TXNDC9: variants seen among roughly 807,000 people sequenced by gnomAD.
TXNDC9 encodes the protein thioredoxin domain containing 9.
A neutral mutation model predicts 23.0 loss-of-function variants in TXNDC9; 7 were observed. The observed-to-expected ratio is 0.30, with a 90% CI of 0.17 to 0.57. The LOEUF is 0.57. Ranked by LOEUF, TXNDC9 falls within the 20% of genes least tolerant of loss-of-function variation. TXNDC9 has a pLI of 0.90. For synonymous variants in TXNDC9, 72 were observed against 90.6 expected, an observed-to-expected ratio of 0.79 and a Z score of 1.17; for missense variants, 198 against 252.6, an observed-to-expected ratio of 0.78 and a Z score of 1.47.
chr2:99,314,722 G>A (rs1046913007), downstream of TXNDC9, among the ~76,000 whole-genome samples: 5 of 150,776 alleles, frequency 3.3e-5, no homozygotes, highest in Middle Eastern at 3.4e-3. Context: ...GTAGAGACGG[G>A]GTTTCACCAT....
the TXNDC9 span, among the ~76,000 whole-genome samples, chr2:99,308,219 A>G: frequency 2.0e-5 from 3 of 152,206 alleles, no homozygotes; most frequent in Non-Finnish European, 4.4e-5. Flanking sequence ...CTTCCAGCTC[A>G]CAGTGTCTCT....
intron 1 of TXNDC9, 93 bp from the exon 2 acceptor site, chr2:99,333,335 T>A (rs1050343681): frequency 9.8e-7 from 1 of 1,017,550 alleles, no homozygotes; most frequent in Non-Finnish European, 1.4e-6. Flanking sequence ...AAGTGTATAA[T>A]GTGTACTCTA....
At position 99,327,767 on chromosome 2, in the gene TXNDC9, A is replaced by G. The variant is rs1025613704; in HGVS notation, c.190-114T>C. 4.4e-6 allele frequency: 3 copies of G among 682,052 alleles called. No individual in the cohort carries two copies. The African/African-American group carries it at 5.7e-5, about 13-fold the overall frequency. 42.3% of individuals were successfully genotyped at this position (682,052 alleles called of 1,614,324 possible). ...TTTGTAATGAAGTCAATTAAAAAAA[A>G]AAGTTTTTTTTTTGTTTGTTTTTGT... On this transcript the variant is annotated intron_variant, in intron 2 of 4. Coordinates refer to ENST00000264255, the MANE Select transcript of TXNDC9 (RefSeq NM_005783.4).
chr2:99,322,078 G>C lies in TXNDC9; in HGVS notation c.440C>G (p.Ala147Gly). The change falls in exon 4 of 5, where the codon GCA becomes GGA. Residue 147 changes from alanine to glycine, a missense_variant. Coordinates refer to ENST00000264255, the MANE Select transcript of TXNDC9 (RefSeq NM_005783.4). ...TTGTGTTTTCCCATCTTTTAGCAGTGCTAGTGTGGGAATGACTTTGATATG... is the reference window on the plus strand; with the variant it reads ...TTGTGTTTTCCCATCTTTTAGCAGTCCTAGTGTGGGAATGACTTTGATATG... ...RLHIKVIPTL[A>G]LLKDGKTQDY... The C allele has an allele frequency of 6.2e-7, 1 of 1,614,150 alleles. No individual in the cohort carries two copies. Among genetic ancestry groups the C allele is most frequent in the Non-Finnish European group, 8.5e-7 (1 of 1,180,012 alleles).
the TXNDC9 span, among the ~76,000 whole-genome samples, chr2:99,313,860 A>C: frequency 6.6e-6 from 1 of 152,062 alleles, no homozygotes; most frequent in Non-Finnish European, 1.5e-5. Context: ...CTTTCTTTTG[A>C]CCTATTTCAT....
chr2:99,324,712 T>G (rs1046070877), intron 3 of TXNDC9, among the ~76,000 whole-genome samples: 2 of 152,154 alleles, frequency 1.3e-5, no homozygotes, highest in Non-Finnish European at 2.9e-5. Flanking sequence ...AAGCTAGGAT[T>G]ACAGGCACCC....
chr2:99,313,897 C>A, the TXNDC9 span, among the ~76,000 whole-genome samples: 1 of 152,216 alleles, frequency 6.6e-6, no homozygotes, highest in Non-Finnish European at 1.5e-5. Context: ...CATCTGACTT[C>A]TCTCCCAATT....
chr2:99,307,915 T>C, the TXNDC9 span, among the ~76,000 whole-genome samples: 1 of 152,008 alleles, frequency 6.6e-6, no homozygotes, highest in African/African-American at 2.4e-5. Context: ...CAATGCTACA[T>C]TAACCCATAG....
chr2:99,335,164 A>G (rs1452361517), intron 1 of TXNDC9, among the ~76,000 whole-genome samples: 1 of 152,242 alleles, frequency 6.6e-6, no homozygotes, highest in East Asian at 1.9e-4. Context: ...TTGCATATCA[A>G]TGAACTATGA....
At chr2:99,306,659 G>A in the TXNDC9 span, 2 of 380,736 alleles carry the variant, frequency 5.3e-6, no homozygotes, top group East Asian at 1.6e-4. Flanking sequence ...GTAGGTCCTG[G>A]GTGTCTGTAA....
chr2:99,333,819 A>C (rs1190132778), intron 1 of TXNDC9, among the ~76,000 whole-genome samples: 2 of 152,188 alleles, frequency 1.3e-5, no homozygotes, highest in Non-Finnish European at 2.9e-5. Context: ...CCTGAGCATT[A>C]ATGTCCATTC....
downstream of TXNDC9, among the ~76,000 whole-genome samples, chr2:99,314,140 C>G (rs1348384581): frequency 2.6e-5 from 4 of 152,146 alleles, no homozygotes; most frequent in African/African-American, 9.7e-5. Context: ...TGATGACCTT[C>G]ACATGGCCTC....
the TXNDC9 span, among the ~76,000 whole-genome samples, chr2:99,311,292 G>T: frequency 6.6e-6 from 1 of 151,260 alleles, no homozygotes; most frequent in Non-Finnish European, 1.5e-5. Flanking sequence ...TGGTCCCCCT[G>T]CCTCCTTTTT....
chr2:99,320,921 G>C (rs2094200290), intron 4 of TXNDC9, among the ~76,000 whole-genome samples: 1 of 152,080 alleles, frequency 6.6e-6, no homozygotes, highest in South Asian at 2.1e-4. Flanking sequence ...TTTTTGTAGA[G>C]ACGAGGTCTC....
intron 2 of TXNDC9, among the ~76,000 whole-genome samples, chr2:99,330,418 C>G (rs1194361562): frequency 6.6e-6 from 1 of 150,768 alleles, no homozygotes; most frequent in Non-Finnish European, 1.5e-5. Flanking sequence ...GTGCCCATTC[C>G]AAACCTCTAC....
At chr2:99,315,229 ATTT>A (rs745742076), downstream of TXNDC9, among the ~76,000 whole-genome samples, 17 of 147,416 alleles carry the variant, frequency 1.2e-4, no homozygotes, top group South Asian at 3.2e-3. Flanking sequence ...TACCCGGCTA[ATTT>A]TTTTTTTTAT....
the TXNDC9 span, among the ~76,000 whole-genome samples, chr2:99,311,042 A>G: frequency 4.0e-5 from 6 of 151,412 alleles, no homozygotes; most frequent in South Asian, 6.3e-4. Context: ...TTTTTTTTTT[A>G]AGAGACAGGA....
chr2:99,327,095 T>C (rs2094214279), intron 3 of TXNDC9, among the ~76,000 whole-genome samples: 1 of 152,176 alleles, frequency 6.6e-6, no homozygotes, highest in South Asian at 2.1e-4. Context: ...TTTTTTGAGA[T>C]GGAGTCTCAC....
At chr2:99,312,432 G>A in the TXNDC9 span, among the ~76,000 whole-genome samples, 3 of 151,680 alleles carry the variant, frequency 2.0e-5, no homozygotes, top group Non-Finnish European at 4.4e-5. Flanking sequence ...GGGAGGTGGA[G>A]GTTGCAGTGA....
Sources: gnomAD v4.1 joint callset for allele counts (sites outside exome capture counted in the v4.1 genomes callset) on GRCh38, gnomAD v4.1.1 for gene constraint, MANE v1.5 for transcripts, NCBI Gene and HGNC (gene_info 2026-07-23, HGNC 2026-07-21) for gene names.